PTPRT: variants seen among roughly 807,000 people sequenced by gnomAD.
PTPRT encodes receptor-type tyrosine-protein phosphatase T.
A neutral mutation model predicts 176.8 loss-of-function variants in PTPRT; 56 were observed. That is an observed-to-expected ratio of 0.32 (90% CI 0.26 to 0.40). The LOEUF (loss-of-function observed/expected upper bound fraction) is 0.40, where lower values mean the gene tolerates loss of function less well. PTPRT is among the 10% of genes least tolerant of loss of function. The probability of loss-of-function intolerance (pLI) is 1.00; values close to 1 mark genes in which losing one functional copy is unlikely to be tolerated. For missense variants in PTPRT, 1,540 were observed against 1,908.2 expected (o/e 0.81, Z 3.60); for synonymous variants, 783 against 739.0 (o/e 1.06, Z -0.96).
intron 7 of PTPRT, among the ~76,000 whole-genome samples, chr20:42,515,040 G>A (rs1220551082): frequency 6.6e-6 from 1 of 152,092 alleles, no homozygotes; most frequent in Admixed American, 6.6e-5. Context: ...GTTCCACTGG[G>A]GGTTTTATCT....
At chr20:42,569,546 A>G (rs535758831) in intron 7 of PTPRT, among the ~76,000 whole-genome samples, 35 of 152,230 alleles carry the variant, frequency 2.3e-4, no homozygotes, top group Middle Eastern at 3.4e-3. Context: ...CTGAGTCTGC[A>G]CCCTGTCTAT....
chr20:43,048,862 C>G (rs1337046077), intron 1 of PTPRT, among the ~76,000 whole-genome samples: 1 of 152,124 alleles, frequency 6.6e-6, no homozygotes, highest in Non-Finnish European at 1.5e-5. Context: ...CAACAGCAGT[C>G]TTCCTGCAAG....
chr20:42,434,990 C>A (rs2059249470), intron 9 of PTPRT, among the ~76,000 whole-genome samples: 1 of 146,834 alleles, frequency 6.8e-6, no homozygotes, highest in South Asian at 2.2e-4. Flanking sequence ...AAACAAAAAA[C>A]AAAAACAACA....
chr20:42,256,506 A>G (rs2146945552), intron 13 of PTPRT, among the ~76,000 whole-genome samples: 1 of 151,926 alleles, frequency 6.6e-6, no homozygotes, highest in East Asian at 1.9e-4. Context: ...TAAAAATGAA[A>G]AAAAAAATGT....
At chr20:42,903,740 G>A (rs898752922) in intron 1 of PTPRT, among the ~76,000 whole-genome samples, 1 of 152,204 alleles carries the variant, frequency 6.6e-6, no homozygotes, top group Non-Finnish European at 1.5e-5. Context: ...AGCTAAAGCT[G>A]AAATTATTTG....
rs538403163 is a variant in PTPRT at position 43,059,889 on chromosome 20, G to A, written c.88+129757C>T. Among the ~76,000 whole-genome samples, 90 of 152,098 alleles carry A rather than the reference G, an allele frequency of 5.9e-4. No homozygotes were observed. In the Middle Eastern group the frequency reaches 0.01, roughly 17 times the overall value. ...AGCTACTCAGGAGGCTGAGTCATGA[G>A]AACTGCTTGAACCCAGGAGGGGGAA... On this transcript the variant is annotated intron_variant, in intron 1 of 30. Transcript: ENST00000373187.
At chr20:42,636,930 G>T (rs2074615025) in intron 7 of PTPRT, among the ~76,000 whole-genome samples, 1 of 152,014 alleles carries the variant, frequency 6.6e-6, no homozygotes, top group African/African-American at 2.4e-5. Context: ...ATTCTTACAG[G>T]AACCTAACAG....
intron 9 of PTPRT, among the ~76,000 whole-genome samples, chr20:42,368,907 C>T (rs547702658): frequency 2.6e-5 from 4 of 152,298 alleles, no homozygotes; most frequent in Admixed American, 1.3e-4. Context: ...TACAGTGTCT[C>T]AACCATACTG....
chr20:42,909,842 C>T (rs1438261002), intron 1 of PTPRT, among the ~76,000 whole-genome samples: 1 of 152,214 alleles, frequency 6.6e-6, no homozygotes, highest in African/African-American at 2.4e-5. Flanking sequence ...AAAAAACATT[C>T]AACAACCGGG....
chr20:42,526,582 T>A (rs1005571746), intron 7 of PTPRT, among the ~76,000 whole-genome samples: 1 of 152,188 alleles, frequency 6.6e-6, no homozygotes, highest in African/African-American at 2.4e-5. Context: ...ATAAATTTGG[T>A]CCCAGTTTTT....
intron 1 of PTPRT, among the ~76,000 whole-genome samples, chr20:42,938,401 G>A (rs1312064976): frequency 1.3e-5 from 2 of 152,136 alleles, no homozygotes; most frequent in Non-Finnish European, 1.5e-5. Context: ...GTCTGCACAT[G>A]GTTCTTTATA....
chr20:42,457,978 C>T (rs2070952721), intron 8 of PTPRT, among the ~76,000 whole-genome samples: 1 of 152,152 alleles, frequency 6.6e-6, no homozygotes, highest in African/African-American at 2.4e-5. Flanking sequence ...CTCCCATCCA[C>T]CAGCTCCAAC....
chr20:42,184,553 T>TTCTTCTTCTTCC, intron 16 of PTPRT, among the ~76,000 whole-genome samples: 1 of 116,342 alleles, frequency 8.6e-6, no homozygotes, highest in African/African-American at 3.6e-5. Context: ...CTTCTTCTTC[T>TTCTTCTTCTTCC]TCTTCTTATT....
At chr20:43,005,811 C>G (rs1461350019) in intron 1 of PTPRT, among the ~76,000 whole-genome samples, 2 of 152,174 alleles carry the variant, frequency 1.3e-5, no homozygotes, top group Non-Finnish European at 2.9e-5. Flanking sequence ...TATTTGTGAT[C>G]ATCTTTTCCT....
intron 9 of PTPRT, among the ~76,000 whole-genome samples, chr20:42,359,823 G>A (rs1436928022): frequency 1.3e-5 from 2 of 152,216 alleles, no homozygotes; most frequent in African/African-American, 4.8e-5. Context: ...AGCACTGCCA[G>A]CACAGGGACC....
intron 1 of PTPRT, among the ~76,000 whole-genome samples, chr20:42,940,743 T>C (rs1196453484): frequency 1.3e-5 from 2 of 152,100 alleles, no homozygotes; most frequent in Non-Finnish European, 1.5e-5. Context: ...CCCCACCATA[T>C]GGTTTTATCT....
chr20:42,687,186 C>A (rs947982132), intron 6 of PTPRT: 1 of 152,032 alleles, frequency 6.6e-6, no homozygotes, highest in African/African-American at 2.4e-5. Context: ...TATTTTGTGC[C>A]CCCCCAACAG....
chr20:42,069,267 T>C (rs1321705795), downstream of PTPRT, among the ~76,000 whole-genome samples: 2 of 152,240 alleles, frequency 1.3e-5, no homozygotes, highest in African/African-American at 4.8e-5. Flanking sequence ...GAATCCATTG[T>C]GTCAGCGAAG....
intron 7 of PTPRT, among the ~76,000 whole-genome samples, chr20:42,541,099 A>G (rs2072570526): frequency 6.6e-6 from 1 of 152,214 alleles, no homozygotes; most frequent in Admixed American, 6.5e-5. Context: ...GATGATTTAA[A>G]CTATGCGCAC....
Sources: gnomAD v4.1 joint callset for allele counts (sites outside exome capture counted in the v4.1 genomes callset) on GRCh38, gnomAD v4.1.1 for gene constraint, MANE v1.5 for transcripts, NCBI Gene and HGNC (gene_info 2026-07-23, HGNC 2026-07-21) for gene names.